Variants in NDUFS4 observed in about 807,000 individuals in gnomAD.
The protein encoded by NDUFS4 is NADH:ubiquinone oxidoreductase subunit S4.
A neutral mutation model predicts 24.3 loss-of-function variants in NDUFS4; 28 were observed. That is an observed-to-expected ratio of 1.15 (90% CI 0.85 to 1.58). The LOEUF is 1.58. Among genes scored for constraint, NDUFS4 ranks in the 40% most tolerant of loss-of-function variants. NDUFS4 has a pLI of 0.00. For synonymous variants in NDUFS4, 93 were observed against 69.7 expected (o/e 1.34, Z -1.67); for missense variants, 223 against 207.9 (o/e 1.07, Z -0.45).
chr5:53,571,163 A>G (rs1219286998), intron 1 of NDUFS4, among the ~76,000 whole-genome samples: 12 of 152,174 alleles, frequency 7.9e-5, no homozygotes, highest in Non-Finnish European at 4.4e-5. Context: ...CAATTTTAGA[A>G]CATTTCCATC....
chr5:53,597,325 TCA>T (rs1456992445), intron 1 of NDUFS4, among the ~76,000 whole-genome samples: 1 of 152,174 alleles, frequency 6.6e-6, no homozygotes, highest in Non-Finnish European at 1.5e-5. Context: ...ACACATAACC[TCA>T]GTTTAACTTT....
intron 2 of NDUFS4, among the ~76,000 whole-genome samples, chr5:53,628,726 C>T (rs969259984): frequency 6.6e-6 from 1 of 152,072 alleles, no homozygotes; most frequent in African/African-American, 2.4e-5. Context: ...TGGTGATATC[C>T]ACTTTATTGT....
intron 2 of NDUFS4, among the ~76,000 whole-genome samples, chr5:53,618,982 C>T (rs965856365): frequency 1.3e-5 from 2 of 151,588 alleles, no homozygotes; most frequent in African/African-American, 4.9e-5. Context: ...GTCGTGGGGT[C>T]ACGTGTCTGT....
At chr5:53,619,307 A>T (rs1160926882) in intron 2 of NDUFS4, among the ~76,000 whole-genome samples, 2 of 6,856 alleles carry the variant, frequency 2.9e-4, no homozygotes, top group Admixed American at 1.7e-3. Context: ...CTAAAAATTT[A>T]AAAAAAAAAA....
chr5:53,603,313 C>T lies in NDUFS4; in HGVS notation c.99-139C>T, dbSNP rs1227916976. On this transcript the variant is annotated intron_variant, in intron 1 of 4. Transcript: ENST00000296684. Reference sequence around the variant, plus strand: ...ATTGCAGAGAAAAAGGACTTTTGTGCCCTCTTCTCTTTCTTTCCTTTCCTT... The same window carrying T: ...ATTGCAGAGAAAAAGGACTTTTGTGTCCTCTTCTCTTTCTTTCCTTTCCTT... 8.0e-6 allele frequency: 5 copies of T among 621,828 alleles called. No homozygotes were observed. The African/African-American group carries it at 9.5e-5, about 12-fold the overall frequency. 38.5% of individuals were successfully genotyped at this position (621,828 alleles called of 1,614,324 possible). A position where few individuals can be genotyped will look rare whatever the true frequency, so the allele number is the denominator to read the frequency against.
chr5:53,641,248 A>G, intron 2 of NDUFS4, among the ~76,000 whole-genome samples: 1 of 152,236 alleles, frequency 6.6e-6, no homozygotes, highest in South Asian at 2.1e-4. Context: ...TGGGATTCCA[A>G]CCCAGTTTTG....
chr5:53,564,350 A>G (rs1422325603), intron 1 of NDUFS4, among the ~76,000 whole-genome samples: 1 of 152,204 alleles, frequency 6.6e-6, no homozygotes, highest in Non-Finnish European at 1.5e-5. Context: ...CAGATAAACT[A>G]AATAAATTCC....
intron 4 of NDUFS4, among the ~76,000 whole-genome samples, chr5:53,674,548 T>A (rs999399922): frequency 4.6e-5 from 7 of 152,048 alleles, no homozygotes; most frequent in Admixed American, 2.6e-4. Flanking sequence ...AACTAATTGA[T>A]CACAACCGGT....
intron 1 of NDUFS4, among the ~76,000 whole-genome samples, chr5:53,562,371 C>G (rs944237890): frequency 6.6e-6 from 1 of 152,084 alleles, no homozygotes; most frequent in African/African-American, 2.4e-5. Context: ...GAACTGAAAA[C>G]AAGTTTGAAG....
chr5:53,560,872 C>T (rs369541113), intron 1 of NDUFS4, 112 bp downstream of exon 1: 8 of 1,567,460 alleles, frequency 5.1e-6, no homozygotes, highest in African/African-American at 1.3e-5. Context: ...TCTGTTGACC[C>T]TTTTCTCGGG....
intron 2 of NDUFS4, among the ~76,000 whole-genome samples, chr5:53,607,017 A>G (rs1421949531): frequency 1.3e-5 from 2 of 152,232 alleles, no homozygotes; most frequent in Non-Finnish European, 2.9e-5. Context: ...ATACAACCAT[A>G]CTTTTTCTTT....
intron 2 of NDUFS4, among the ~76,000 whole-genome samples, chr5:53,613,092 C>CT (rs1231377273): frequency 2.6e-5 from 4 of 151,348 alleles, no homozygotes; most frequent in African/African-American, 4.9e-5. Flanking sequence ...TGACTGTTTA[C>CT]TTTTTTTTTC....
intron 3 of NDUFS4, among the ~76,000 whole-genome samples, chr5:53,648,742 T>C (rs1157695586): frequency 1.3e-5 from 2 of 152,180 alleles, no homozygotes; most frequent in African/African-American, 4.8e-5. Flanking sequence ...GACACAGGAC[T>C]GCCCTCCTTT....
At chr5:53,655,780 T>C (rs1752144109) in intron 3 of NDUFS4, among the ~76,000 whole-genome samples, 1 of 152,182 alleles carries the variant, frequency 6.6e-6, no homozygotes, top group South Asian at 2.1e-4. Context: ...TTGGAGTGGA[T>C]CTGTTTCAGT....
chr5:53,657,942 A>G (rs1373533680), intron 3 of NDUFS4, among the ~76,000 whole-genome samples: 2 of 150,772 alleles, frequency 1.3e-5, no homozygotes, highest in African/African-American at 4.9e-5. Flanking sequence ...AAAAAAAAAA[A>G]GAATAAAAGT....
intron 2 of NDUFS4, among the ~76,000 whole-genome samples, chr5:53,618,083 C>T (rs1750907144): frequency 2.0e-5 from 3 of 152,024 alleles, no homozygotes; most frequent in Non-Finnish European, 4.4e-5. Context: ...TTGAGACCAG[C>T]CCAGGCAAAT....
intron 2 of NDUFS4, among the ~76,000 whole-genome samples, chr5:53,612,036 T>C (rs1260245349): frequency 2.0e-5 from 3 of 152,048 alleles, no homozygotes; most frequent in Non-Finnish European, 4.4e-5. Context: ...AACTATTTAG[T>C]ACAGTTAAAA....
intron 1 of NDUFS4, among the ~76,000 whole-genome samples, chr5:53,577,869 A>G (rs373874600): frequency 1.3e-5 from 2 of 152,340 alleles, no homozygotes. Flanking sequence ...TGTGTATAAC[A>G]TCCCAGCTAA....
At chr5:53,584,334 A>G (rs1212280312) in intron 1 of NDUFS4, among the ~76,000 whole-genome samples, 6 of 152,144 alleles carry the variant, frequency 3.9e-5, no homozygotes, top group Non-Finnish European at 8.8e-5. Context: ...TCTTAAATAT[A>G]TATGGTTGAC....
Sources: allele counts gnomAD v4.1 joint callset (sites outside exome capture counted in the v4.1 genomes callset), GRCh38; gene constraint gnomAD v4.1.1; transcripts MANE v1.5; gene names NCBI Gene and HGNC (gene_info 2026-07-23, HGNC 2026-07-21).